Variants in EBF3 observed in about 807,000 individuals in gnomAD.
The protein encoded by EBF3 is EBF transcription factor 3.
Under a neutral mutation model 77.1 loss-of-function variants are expected in EBF3, and 18 were observed. The ratio of observed to expected loss-of-function variants is 0.23; its 90% CI spans 0.16 to 0.35. EBF3 has a LOEUF of 0.35. EBF3 is among the 10% of genes least tolerant of loss of function. The pLI is 1.00. For synonymous variants in EBF3, 350 were observed against 343.5 expected (o/e 1.02, Z -0.21); for missense variants, 558 against 860.0 (o/e 0.65, Z 4.39).
chr10:129,881,046 C>T (rs982881649), intron 6 of EBF3, among the ~76,000 whole-genome samples: 8 of 152,178 alleles, frequency 5.3e-5, no homozygotes, highest in African/African-American at 1.9e-4. Flanking sequence ...CTTTAATTGG[C>T]TTTTTCCTAA....
At chr10:129,849,081 C>T (rs1850671238) in intron 10 of EBF3, among the ~76,000 whole-genome samples, 1 of 152,234 alleles carries the variant, frequency 6.6e-6, no homozygotes, top group Non-Finnish European at 1.5e-5. Context: ...ATCTTTTTAT[C>T]CCTCAAATTG....
intron 10 of EBF3, among the ~76,000 whole-genome samples, chr10:129,860,042 G>T (rs957254415): frequency 5.3e-5 from 8 of 152,148 alleles, no homozygotes; most frequent in African/African-American, 1.9e-4. Context: ...TGGCTGGAGT[G>T]ATCTGTGATA....
intron 6 of EBF3, among the ~76,000 whole-genome samples, chr10:129,945,158 G>C (rs900378445): frequency 1.0e-5 from 1 of 98,886 alleles, no homozygotes; most frequent in Non-Finnish European, 2.1e-5. Flanking sequence ...GGGGAGAAGA[G>C]GGGAGGGGAG....
In EBF3 at chr10:129,842,191, C is replaced by T. The variant is rs1419962408; in HGVS notation, c.1297G>A (p.Gly433Ser). 4 of 1,614,246 alleles carry T rather than the reference C, an allele frequency of 2.5e-6. No individual in the cohort carries two copies. Among genetic ancestry groups the T allele is most frequent in the Non-Finnish European group, 3.4e-6 (4 of 1,180,040 alleles). Reference sequence around the variant, plus strand: ...CTGAAGGAGTTGACGCCCATCATGCCCGTGTGTGCAGGGTTGTTGCCCAGG... The same window carrying T: ...CTGAAGGAGTTGACGCCCATCATGCTCGTGTGTGCAGGGTTGTTGCCCAGG... Reference protein sequence around the residue: ...PTLGNNPAHTGMMGVNSFSSQ... With the variant: ...PTLGNNPAHTSMMGVNSFSSQ... The change falls in exon 13 of 17, where the codon GGC becomes AGC. Residue 433 changes from glycine (G) to serine (S), a missense_variant. This residue lies in a region of EBF3 where 284 missense variants were observed against 368.3 expected (regional missense o/e 0.77). Coordinates refer to ENST00000440978, the MANE Select transcript of EBF3 (RefSeq NM_001375380.1). The surrounding 1 kb of genome is among the most constrained non-coding windows in gnomAD (Gnocchi z 4.4).
intron 6 of EBF3, among the ~76,000 whole-genome samples, chr10:129,924,282 G>T (rs1856499504): frequency 6.6e-6 from 1 of 152,116 alleles, no homozygotes; most frequent in East Asian, 1.9e-4. Flanking sequence ...AGGCGTGATG[G>T]TACGTACCTG....
chr10:129,844,189 C>CGGT (rs1850290054), intron 11 of EBF3, among the ~76,000 whole-genome samples: 4 of 152,156 alleles, frequency 2.6e-5, no homozygotes, highest in Non-Finnish European at 5.9e-5. Flanking sequence ...CCTGCGGACC[C>CGGT]CAGGCCCGGT....
At chr10:129,933,184 C>T (rs564072753) in intron 6 of EBF3, among the ~76,000 whole-genome samples, 1 of 152,280 alleles carries the variant, frequency 6.6e-6, no homozygotes, top group African/African-American at 2.4e-5. Flanking sequence ...GCAGCCACTT[C>T]GGAGCACACA....
chr10:129,843,283 G>A lies in EBF3; in HGVS notation c.1129-81C>T, dbSNP rs555279867. The A allele has an allele frequency of 7.8e-5, 114 of 1,457,456 alleles. No individual in the cohort carries two copies. In the African/African-American group the frequency reaches 1.0e-3, roughly 13 times the overall value. The allele number at this position is 1,457,456 out of a possible 1,614,324, so 90.3% of individuals were successfully genotyped here. A position where few individuals can be genotyped will look rare whatever the true frequency, so the allele number is the denominator to read the frequency against. The stretch of plus-strand genomic sequence containing the variant: ...GCCCTTCAGTACCAGTTCCGTCTGC[G>A]GGTGTGGAGACCAGTCCCCACCCAC... On this transcript the variant is annotated intron_variant, in intron 11 of 16. Coordinates refer to ENST00000440978, the MANE Select transcript of EBF3 (RefSeq NM_001375380.1).
At position 129,879,978 on chromosome 10, in the gene EBF3, C is replaced by T. The variant is rs1000553018; in HGVS notation, c.555-2129G>A. Among the ~76,000 whole-genome samples, 6 of 152,282 alleles carry T rather than the reference C, an allele frequency of 3.9e-5. No individual in the cohort carries two copies. The highest frequency in any genetic ancestry group is 2.1e-4 in the South Asian group (1 of 4,802). Reference sequence around the variant, plus strand: ...CTGCTCATCTGCAAATGTACCTGCACGGAGCCATCTCCAGGAGCTTTGTTT... The same window carrying T: ...CTGCTCATCTGCAAATGTACCTGCATGGAGCCATCTCCAGGAGCTTTGTTT... On this transcript the variant is annotated intron_variant, in intron 6 of 16. Transcript: ENST00000440978. This position sits in a 1 kb window ranked among gnomAD's most constrained non-coding sequence, Gnocchi z 4.7.
In EBF3 at chr10:129,883,634, C is replaced by T. The variant is rs898565031; in HGVS notation, c.555-5785G>A. 2.6e-5 allele frequency among the ~76,000 whole-genome samples: 4 copies of T among 152,038 alleles called. No individual in the cohort carries two copies. In the East Asian group the frequency reaches 5.8e-4, roughly 22 times the overall value. On this transcript the variant is annotated intron_variant, in intron 6 of 16. Transcript: ENST00000440978. The stretch of plus-strand genomic sequence containing the variant: ...CAGAGAGCCCTATTCCGGATCGAGC[C>T]CCCATGTTTTCAGTTACTACTGTTT...
rs773058094 is a variant in EBF3 at position 129,848,414 on chromosome 10, C to A, written c.1106G>T (p.Gly369Val). The A allele has an allele frequency of 2.5e-6, 4 of 1,614,104 alleles. No individual in the cohort carries two copies. Among genetic ancestry groups the A allele is most frequent in the Non-Finnish European group, 3.4e-6 (4 of 1,180,048 alleles). ...AACCTTGGGTAACCTTTCGGGATCACCCGGATGTCTTGGGATCACTTTCTG... is the reference window on the plus strand; with the variant it reads ...AACCTTGGGTAACCTTTCGGGATCAACCGGATGTCTTGGGATCACTTTCTG... Reference protein sequence around the residue: ...RLQKVIPRHPGDPERLPKEVL... With the variant: ...RLQKVIPRHPVDPERLPKEVL... Residue 369 changes from glycine to valine, a missense_variant, in exon 11 of 17, where the codon GGT becomes GTT. Physicochemically the swap from Gly to Val is moderately radical, Grantham distance 109 (BLOSUM62 -3). Transcript: ENST00000440978. This position sits in a 1 kb window ranked among gnomAD's most constrained non-coding sequence, Gnocchi z 4.4.
intron 6 of EBF3, among the ~76,000 whole-genome samples, chr10:129,940,382 C>T (rs1857647684): frequency 6.6e-6 from 1 of 152,178 alleles, no homozygotes; most frequent in South Asian, 2.1e-4. Flanking sequence ...CCTGGGCCTC[C>T]TGGGCTAGTC....
chr10:129,903,632 T>G (rs1371537178), intron 6 of EBF3, among the ~76,000 whole-genome samples: 2 of 152,190 alleles, frequency 1.3e-5, no homozygotes, highest in Non-Finnish European at 2.9e-5. Context: ...TAATGGTCCT[T>G]CTCGTGGATA....
Position 129,840,278 on chromosome 10 carries a change from A to T in EBF3, c.1726T>A (p.Ser576Thr). 1 of 1,586,524 alleles carries T rather than the reference A, an allele frequency of 6.3e-7. No individual in the cohort carries two copies. Among genetic ancestry groups the T allele is most frequent in the Non-Finnish European group, 8.6e-7 (1 of 1,166,140 alleles). ...VVRPQASPPP[S>T]CTSANGNGLQ... Reference sequence around the variant, plus strand: ...CCATTCCCGTTGGCGCTGGTGCAGGAAGGAGGAGGAGAGGCTTGGGGCCGG... The same window carrying T: ...CCATTCCCGTTGGCGCTGGTGCAGGTAGGAGGAGGAGAGGCTTGGGGCCGG... The change falls in exon 15 of 17, where the codon TCC becomes ACC. Residue 576 changes from serine to threonine, a missense_variant. Ser to Thr is a moderately conservative substitution (Grantham distance 58). This residue lies in a region of EBF3 where 284 missense variants were observed against 368.3 expected (regional missense o/e 0.77). Coordinates refer to ENST00000440978, the MANE Select transcript of EBF3 (RefSeq NM_001375380.1).
rs1165069769 is a variant in EBF3, at chr10:129,836,791, G to GAAAAGCAATGTACAAAATTTCAAAGATA, written c.*1124_*1151dup. 1 of 152,486 alleles carries GAAAAGCAATGTACAAAATTTCAAAGATA rather than the reference G, an allele frequency of 6.6e-6. No homozygotes were observed. Among genetic ancestry groups the GAAAAGCAATGTACAAAATTTCAAAGATA allele is most frequent in the East Asian group, 1.9e-4 (1 of 5,206 alleles). 9.4% of individuals were successfully genotyped at this position (152,486 alleles called of 1,614,324 possible). On this transcript the variant is annotated 3_prime_UTR_variant, in exon 17 of 17. Coordinates refer to ENST00000440978, the MANE Select transcript of EBF3 (RefSeq NM_001375380.1). The stretch of plus-strand genomic sequence containing the variant: ...AGAAAGAAGAAAAAGGAAAAGGTGG[G>GAAAAGCAATGTACAAAATTTCAAAGATA]AAAAGCAATGTACAAAATTTCAAAG...
In EBF3 at chr10:129,837,892, T is replaced by G. The variant is rs750797899; in HGVS notation, c.*51A>C. ...AAACGTGTCCCCTGAAGTCCGTCCTTTGATGCTGGGTGCTGCGGAAGGTAA... is the reference window on the plus strand; with the variant it reads ...AAACGTGTCCCCTGAAGTCCGTCCTGTGATGCTGGGTGCTGCGGAAGGTAA... On this transcript the variant is annotated 3_prime_UTR_variant, in exon 17 of 17. Coordinates refer to ENST00000440978, the MANE Select transcript of EBF3 (RefSeq NM_001375380.1). The G allele has an allele frequency of 1.2e-5, 19 of 1,613,982 alleles. No homozygotes were observed. The African/African-American group carries it at 2.1e-4, about 18-fold the overall frequency.
rs538628576 is a variant in EBF3, at chr10:129,878,661, CAAAAAAAAA to C, written c.555-821_555-813del. 2.0e-4 allele frequency among the ~76,000 whole-genome samples: 7 copies of C among 34,844 alleles called. No homozygotes were observed. The East Asian group carries it at 2.8e-3, about 14-fold the overall frequency. 22.9% of individuals were successfully genotyped at this position (34,844 alleles called of 152,430 possible). The stretch of plus-strand genomic sequence containing the variant: ...TGGTTGACAGCTCAAGGCTCTGTCT[CAAAAAAAAA>C]AAAAAAAAAAAAAGAGTTACAGTAG... On this transcript the variant is annotated intron_variant, in intron 6 of 16. Transcript: ENST00000440978.
chr10:129,936,878 CA>C (rs957069631), intron 6 of EBF3, among the ~76,000 whole-genome samples: 3 of 152,184 alleles, frequency 2.0e-5, no homozygotes, highest in Admixed American at 2.0e-4. Flanking sequence ...CAGACACGAA[CA>C]AATCAAGGCA....
chr10:129,907,170 T>C (rs1855203656), intron 6 of EBF3, among the ~76,000 whole-genome samples: 1 of 152,154 alleles, frequency 6.6e-6, no homozygotes. Flanking sequence ...TGAATACGGA[T>C]GAAATTTGAA....
Sources: allele counts gnomAD v4.1 joint callset (sites outside exome capture counted in the v4.1 genomes callset), GRCh38; gene constraint gnomAD v4.1.1; regional missense constraint gnomAD v4.1.1; non-coding constraint Gnocchi (gnomAD v3.1); transcripts MANE v1.5; gene names NCBI Gene and HGNC (gene_info 2026-07-23, HGNC 2026-07-21).